Variants in MOV10 observed in about 807,000 individuals in gnomAD.
The protein encoded by MOV10 is Mov10 RNA helicase, also known as RNA helicase MOV-10.
MOV10 carries 39 observed loss-of-function variants against 108.4 expected under a neutral mutation model. The observed-to-expected ratio is 0.36, with a 90% CI of 0.28 to 0.47. The LOEUF (loss-of-function observed/expected upper bound fraction) is 0.47, where lower values mean the gene tolerates loss of function less well. Ranked by LOEUF, MOV10 falls within the 20% of genes least tolerant of loss-of-function variation. The pLI is 1.00. For missense variants in MOV10, 952 were observed against 1,297.6 expected, an observed-to-expected ratio of 0.73 and a Z score of 4.09; for synonymous variants, 490 against 523.1, an observed-to-expected ratio of 0.94 and a Z score of 0.86.
rs1449648987 is a variant in MOV10, at chr1:112,688,872, C to T, written c.138-63C>T. ...TGACCCTCCGATGCCCTTTCCCACC[C>T]GCCGCCCTGCCTCCCTCGAGCCCTG... On this transcript the variant is annotated intron_variant, in intron 2 of 20. Coordinates refer to ENST00000369645, the MANE Select transcript of MOV10 (RefSeq NM_001321324.2). 43 of 1,605,518 alleles carry T rather than the reference C, an allele frequency of 2.7e-5. 1 individual carries two copies. The highest frequency in any genetic ancestry group is 1.0e-4 in the Admixed American group (6 of 59,854).
chr1:112,678,638 G>A (rs1412454799), intron 2 of MOV10, among the ~76,000 whole-genome samples: 1 of 151,978 alleles, frequency 6.6e-6, no homozygotes, highest in African/African-American at 2.4e-5. Context: ...GGACTTAGAA[G>A]GTGTAAAGGG....
intron 2 of MOV10, among the ~76,000 whole-genome samples, chr1:112,678,679 C>T (rs1369098767): frequency 1.3e-5 from 2 of 151,978 alleles, no homozygotes; most frequent in African/African-American, 4.8e-5. Flanking sequence ...AGGAACAGCA[C>T]CTTCAAAGGC....
intron 2 of MOV10, among the ~76,000 whole-genome samples, chr1:112,678,951 G>A (rs1672416368): frequency 1.3e-5 from 2 of 151,914 alleles, no homozygotes; most frequent in Admixed American, 6.5e-5. Flanking sequence ...GCCTGCCCTT[G>A]AAACAATACA....
intron 2 of MOV10, 174 bp from the exon 3 acceptor site, chr1:112,688,761 A>G: frequency 6.9e-7 from 1 of 1,445,094 alleles, no homozygotes; most frequent in South Asian, 1.5e-5. Flanking sequence ...TGAAAACATT[A>G]AACATTCCTC....
Position 112,700,452 on chromosome 1 carries a change from A to C in MOV10, c.2957A>C (p.Glu986Ala), listed in dbSNP as rs991613919. 1.9e-6 allele frequency: 3 copies of C among 1,613,666 alleles called. No homozygotes were observed. The highest frequency in any genetic ancestry group is 2.7e-5 in the African/African-American group (2 of 74,914). ...CATGACTACCTCCCCCAGGAGCGGGAGGGTGAAGGGGGCCTGTCTCTGCAA... is the reference window on the plus strand; with the variant it reads ...CATGACTACCTCCCCCAGGAGCGGGCGGGTGAAGGGGGCCTGTCTCTGCAA... ...HSHDYLPQER[E>A]GEGGLSLQVE... The change falls in exon 21 of 21, where the codon GAG (glutamate) becomes GCG (alanine). Residue 986 changes from glutamate (E) to alanine (A), a missense_variant. Physicochemically the swap from Glu to Ala is moderately radical, Grantham distance 107. Coordinates refer to ENST00000369645, the MANE Select transcript of MOV10 (RefSeq NM_001321324.2).
chr1:112,676,658 A>T, intron 2 of MOV10, among the ~76,000 whole-genome samples: 1 of 152,204 alleles, frequency 6.6e-6, no homozygotes, highest in East Asian at 1.9e-4. Context: ...ACCTGACCTA[A>T]CAAGATTCTT....
chr1:112,698,432 G>C lies in MOV10; in HGVS notation c.2462G>C (p.Arg821Pro). Residue 821 changes from arginine (R) to proline (P), a missense_variant, in exon 16 of 21, where the codon CGC becomes CCC. This residue lies in a region of MOV10 where 453 missense variants were observed against 611.5 expected (regional missense o/e 0.74). Coordinates refer to ENST00000369645, the MANE Select transcript of MOV10 (RefSeq NM_001321324.2). ...CCCTCCTCCAAGAAGGGCAAAGCTC[G>C]CCTGAGCCCTCGAAGTGTGGGCGTC... Reference protein sequence around the residue: ...LAPSSKKGKARLSPRSVGVIS... With the variant: ...LAPSSKKGKAPLSPRSVGVIS... 1.2e-6 allele frequency: 2 copies of C among 1,614,144 alleles called. No individual in the cohort carries two copies. The highest frequency in any genetic ancestry group is 1.7e-6 in the Non-Finnish European group (2 of 1,180,012).
chr1:112,674,664 C>A lies in MOV10; in HGVS notation c.-131C>A. On this transcript the variant is annotated 5_prime_UTR_variant, in exon 1 of 21. Coordinates refer to ENST00000369645, the MANE Select transcript of MOV10 (RefSeq NM_001321324.2). ...AGGGCCCTGAGGGAGGGGTCAGACG[C>A]TTTAGGAAAGAGTTAATGCGAAGAG... The A allele has an allele frequency of 2.5e-6, 1 of 402,468 alleles. No individual in the cohort carries two copies. Among genetic ancestry groups the A allele is most frequent in the Non-Finnish European group, 4.4e-6 (1 of 225,782 alleles). The allele number at this position is 402,468 out of a possible 1,614,324, so 24.9% of individuals were successfully genotyped here. A position where few individuals can be genotyped will look rare whatever the true frequency, so the allele number is the denominator to read the frequency against.
chr1:112,693,897 T>G, intron 7 of MOV10, 121 bp from the exon 8 acceptor site: 2 of 778,112 alleles, frequency 2.6e-6, no homozygotes, highest in Admixed American at 2.5e-5. Flanking sequence ...CATAACTCCC[T>G]GAGTCTTAGG....
intron 2 of MOV10, among the ~76,000 whole-genome samples, chr1:112,676,701 G>T (rs1312714885): frequency 2.0e-5 from 3 of 152,188 alleles, no homozygotes; most frequent in Admixed American, 6.5e-5. Flanking sequence ...GTACATCAAA[G>T]GCGGGAATGA....
chr1:112,690,538 TTAG>T (rs755141022), intron 5 of MOV10, among the ~76,000 whole-genome samples: 5 of 152,088 alleles, frequency 3.3e-5, no homozygotes, highest in Admixed American at 2.0e-4. Flanking sequence ...TTTTGTATTT[TTAG>T]TAGACATGGG....
At position 112,689,544 on chromosome 1, in the gene MOV10, T is replaced by C. The variant is rs1673386396; in HGVS notation, c.471T>C (p.Asn157=). Residue 157 remains asparagine, a synonymous_variant, in exon 4 of 21, where the codon AAT becomes AAC. Coordinates refer to ENST00000369645, the MANE Select transcript of MOV10 (RefSeq NM_001321324.2). ...AGGTGCTGACCCTGAGGCTTCGGAA[T>C]GGCGGAACCCAGTCTGTTACCCTCA... The part of the protein sequence containing the change: ...RKEVLTLRLR[N]GGTQSVTLTH... 3 of 1,614,090 alleles carry C rather than the reference T, an allele frequency of 1.9e-6. No homozygotes were observed. Among genetic ancestry groups the C allele is most frequent in the Non-Finnish European group, 1.7e-6 (2 of 1,180,052 alleles).
chr1:112,680,451 TC>T (rs1472453691), intron 2 of MOV10, among the ~76,000 whole-genome samples: 1 of 151,714 alleles, frequency 6.6e-6, no homozygotes, highest in Non-Finnish European at 1.5e-5. Flanking sequence ...GGTCAGGAGA[TC>T]GAGACCATCC....
chr1:112,699,536 C>G, intron 17 of MOV10, 149 bp from the exon 18 acceptor site: 1 of 1,487,054 alleles, frequency 6.7e-7, no homozygotes, highest in Non-Finnish European at 8.9e-7. Context: ...CATCCCCTTT[C>G]CCTGGGCCGT....
In MOV10 at chr1:112,700,712, T is replaced by C; in HGVS notation, c.*205T>C. On this transcript the variant is annotated 3_prime_UTR_variant, in exon 21 of 21. Transcript: ENST00000369645. ...GGGGGAAGGGGAAGGAAGAAAACTC[T>C]GAAAACAAAATCTTGTTCTATGCAA... 1 of 1,519,304 alleles carries C rather than the reference T, an allele frequency of 6.6e-7. No individual in the cohort carries two copies. Among genetic ancestry groups the C allele is most frequent in the Non-Finnish European group, 8.8e-7 (1 of 1,140,976 alleles). The allele number at this position is 1,519,304 out of a possible 1,614,324, so 94.1% of individuals were successfully genotyped here. A position where few individuals can be genotyped will look rare whatever the true frequency, so the allele number is the denominator to read the frequency against.
chr1:112,699,137 G>T, intron 17 of MOV10: 1 of 271,864 alleles, frequency 3.7e-6, no homozygotes, highest in East Asian at 8.5e-5. Context: ...CTCAACACTG[G>T]CTGCAGATAA....
intron 7 of MOV10, 51 bp downstream of exon 7, chr1:112,692,980 A>G: frequency 6.5e-7 from 1 of 1,535,620 alleles, no homozygotes; most frequent in Non-Finnish European, 8.9e-7. Flanking sequence ...CAGCCAAGCT[A>G]GAGGCTGTGG....
intron 2 of MOV10, among the ~76,000 whole-genome samples, chr1:112,682,389 A>T (rs972809652): frequency 5.9e-5 from 9 of 152,212 alleles, no homozygotes; most frequent in African/African-American, 1.9e-4. Context: ...ATGCCCAGCT[A>T]ATTTTTCATT....
At chr1:112,699,586 G>T in intron 17 of MOV10, 99 bp from the exon 18 acceptor site, 1 of 1,554,976 alleles carries the variant, frequency 6.4e-7, no homozygotes, top group Non-Finnish European at 8.7e-7. Flanking sequence ...CAATTGCCCA[G>T]TGACCTCTCT....
Sources: allele counts gnomAD v4.1 joint callset (sites outside exome capture counted in the v4.1 genomes callset), GRCh38; gene constraint gnomAD v4.1.1; regional missense constraint gnomAD v4.1.1; transcripts MANE v1.5; gene names NCBI Gene and HGNC (gene_info 2026-07-23, HGNC 2026-07-21).